Variants in HOOK3 observed in about 807,000 individuals in gnomAD.
HOOK3 encodes hook microtubule tethering protein 3.
In HOOK3, 24 loss-of-function variants were observed where a neutral mutation model predicts 116.3. The ratio of observed to expected loss-of-function variants is 0.21; its 90% CI spans 0.15 to 0.29. HOOK3 has a LOEUF of 0.29. HOOK3 is among the 10% of genes least tolerant of loss of function. The pLI, the probability that HOOK3 is intolerant of heterozygous loss-of-function variation, is 1.00. For missense variants in HOOK3, 632 were observed against 830.2 expected, an observed-to-expected ratio of 0.76 and a Z score of 2.93; for synonymous variants, 275 against 283.0, an observed-to-expected ratio of 0.97 and a Z score of 0.28.
intron 4 of HOOK3, among the ~76,000 whole-genome samples, chr8:42,937,344 A>T (rs1377513399): frequency 4.4e-5 from 6 of 134,924 alleles, no homozygotes; most frequent in African/African-American, 5.9e-5. Flanking sequence ...CAGCTCCTGG[A>T]TTCATTGATT....
intron 15 of HOOK3, among the ~76,000 whole-genome samples, chr8:42,993,211 C>T (rs1339860228): frequency 6.6e-6 from 1 of 152,096 alleles, no homozygotes; most frequent in Non-Finnish European, 1.5e-5. Flanking sequence ...ATTTGGTTTG[C>T]AGTATTTTAT....
chr8:43,009,697 C>T (rs1457544236), intron 18 of HOOK3, among the ~76,000 whole-genome samples: 3 of 152,068 alleles, frequency 2.0e-5, no homozygotes, highest in Non-Finnish European at 4.4e-5. Context: ...CATTTTAAGC[C>T]ATTTTTAGTG....
At chr8:42,907,933 GA>G (rs1000635168) in intron 2 of HOOK3, among the ~76,000 whole-genome samples, 16 of 149,808 alleles carry the variant, frequency 1.1e-4, no homozygotes, top group African/African-American at 3.4e-4. Context: ...AAAGACTCCA[GA>G]AAAAAACTAT....
intron 8 of HOOK3, among the ~76,000 whole-genome samples, chr8:42,962,929 G>A (rs897526025): frequency 6.6e-6 from 1 of 151,356 alleles, no homozygotes; most frequent in African/African-American, 2.4e-5. Flanking sequence ...AGCCTCCTGA[G>A]TAGCTGGGAT....
chr8:42,967,984 G>A (rs767577087), intron 10 of HOOK3, 29 bp from the exon 11 acceptor site: 24 of 1,309,098 alleles, frequency 1.8e-5, no homozygotes, highest in Non-Finnish European at 2.5e-5. Context: ...ATGTGTTTCT[G>A]ATTTTTTTAA....
chr8:42,999,913 G>A (rs958949530), intron 16 of HOOK3, among the ~76,000 whole-genome samples: 3 of 152,096 alleles, frequency 2.0e-5, no homozygotes, highest in Non-Finnish European at 2.9e-5. Context: ...TTGGGAGGCC[G>A]AGGCGGGCAG....
chr8:42,959,768 A>G (rs2130412949), intron 8 of HOOK3, among the ~76,000 whole-genome samples: 1 of 152,004 alleles, frequency 6.6e-6, no homozygotes, highest in East Asian at 1.9e-4. Context: ...TTAAAGGTAA[A>G]GTTGAGAATA....
chr8:42,905,312 CT>C (rs1357698680), intron 1 of HOOK3, among the ~76,000 whole-genome samples: 19 of 102,968 alleles, frequency 1.8e-4, no homozygotes, highest in African/African-American at 7.6e-4. Context: ...TTTTTTTTTC[CT>C]GTTTCTTTTT....
chr8:42,958,006 G>T (rs1808466611), intron 7 of HOOK3, among the ~76,000 whole-genome samples: 1 of 151,400 alleles, frequency 6.6e-6, no homozygotes, highest in Non-Finnish European at 1.5e-5. Context: ...ATTTTTTTTT[G>T]TATTTTTAGT....
intron 2 of HOOK3, among the ~76,000 whole-genome samples, chr8:42,917,744 A>C (rs1227490863): frequency 6.6e-6 from 1 of 152,236 alleles, no homozygotes; most frequent in Non-Finnish European, 1.5e-5. Flanking sequence ...GATGAAGGTC[A>C]AGCTGTGGAC....
chr8:42,959,227 C>T lies in HOOK3; in HGVS notation c.532-4C>T. On this transcript the variant is annotated splice_region_variant and splice_polypyrimidine_tract_variant and intron_variant, in intron 7 of 21. Transcript: ENST00000307602. ...AAAATGTTTATCTCTTTGTTTCTAA[C>T]CAGCTGAAGAAAACTACAGAGGAAC... The T allele has an allele frequency of 6.2e-7, 1 of 1,601,420 alleles. No individual in the cohort carries two copies. The highest frequency in any genetic ancestry group is 1.3e-5 in the African/African-American group (1 of 74,576).
intron 4 of HOOK3, among the ~76,000 whole-genome samples, chr8:42,930,951 T>A (rs1269822951): frequency 6.6e-6 from 1 of 152,212 alleles, no homozygotes; most frequent in African/African-American, 2.4e-5. Flanking sequence ...GTGACCCTGA[T>A]TTTACTGTTG....
intron 15 of HOOK3, among the ~76,000 whole-genome samples, chr8:42,994,934 A>G (rs1192489162): frequency 1.3e-5 from 2 of 152,240 alleles, no homozygotes; most frequent in Non-Finnish European, 2.9e-5. Context: ...AAAATGACTA[A>G]GATGGATAGT....
chr8:42,958,841 G>C (rs1808486094), intron 7 of HOOK3, among the ~76,000 whole-genome samples: 2 of 151,702 alleles, frequency 1.3e-5, no homozygotes, highest in African/African-American at 4.8e-5. Flanking sequence ...GAAAACACTT[G>C]TGTTGAAATG....
At chr8:42,953,727 A>T (rs945114935) in intron 6 of HOOK3, among the ~76,000 whole-genome samples, 1 of 152,168 alleles carries the variant, frequency 6.6e-6, no homozygotes, top group East Asian at 1.9e-4. Flanking sequence ...CTCTGAATTT[A>T]TACTTAAAGT....
In HOOK3 at chr8:43,030,353, T is replaced by C. The variant is rs536130701; in HGVS notation, c.*11855T>C. 2 of 182,230 alleles carry C rather than the reference T, an allele frequency of 1.1e-5. No homozygotes were observed. The highest frequency in any genetic ancestry group is 3.9e-4 in the South Asian group (2 of 5,074). 11.3% of individuals were successfully genotyped at this position (182,230 alleles called of 1,614,324 possible). A position where few individuals can be genotyped will look rare whatever the true frequency, so the allele number is the denominator to read the frequency against. On this transcript the variant is annotated 3_prime_UTR_variant, in exon 22 of 22. Coordinates refer to ENST00000307602, the MANE Select transcript of HOOK3 (RefSeq NM_032410.4). ...TCATTTTAATTTTACGACTGCCAAC[T>C]TGTTACGGTATTAATTATATGTATG...
intron 11 of HOOK3, among the ~76,000 whole-genome samples, chr8:42,970,608 T>G (rs531907528): frequency 6.6e-5 from 10 of 152,268 alleles, no homozygotes; most frequent in Admixed American, 3.3e-4. Flanking sequence ...TTGGGGTTGC[T>G]TTTTAAATGC....
chr8:42,948,487 C>T (rs1396661095), intron 5 of HOOK3, among the ~76,000 whole-genome samples: 1 of 152,166 alleles, frequency 6.6e-6, no homozygotes, highest in African/African-American at 2.4e-5. Context: ...GTGGCAACAC[C>T]GCTTCTTAAC....
intron 21 of HOOK3, among the ~76,000 whole-genome samples, chr8:43,016,569 G>C (rs1809722173): frequency 6.6e-6 from 1 of 152,216 alleles, no homozygotes; most frequent in African/African-American, 2.4e-5. Context: ...AATGATGAGT[G>C]CTGGGAAGAG....
Sources: allele counts gnomAD v4.1 joint callset (sites outside exome capture counted in the v4.1 genomes callset), GRCh38; gene constraint gnomAD v4.1.1; transcripts MANE v1.5; gene names NCBI Gene and HGNC (gene_info 2026-07-23, HGNC 2026-07-21).